The following KSR2 variants were observed in gnomAD, a reference collection of about 807,000 sequenced individuals.
The protein encoded by KSR2 is kinase suppressor of ras 2.
KSR2 carries 25 observed loss-of-function variants against 107.8 expected under a neutral mutation model. The ratio of observed to expected loss-of-function variants is 0.23; its 90% CI spans 0.17 to 0.32. The LOEUF (loss-of-function observed/expected upper bound fraction) is 0.32, where lower values mean the gene tolerates loss of function less well. Among genes scored for constraint, KSR2 ranks in the 10% least tolerant of loss-of-function variants. The pLI, the probability that KSR2 is intolerant of heterozygous loss-of-function variation, is 1.00. For missense variants in KSR2, 887 were observed against 1,268.9 expected, an observed-to-expected ratio of 0.70 and a Z score of 4.57; for synonymous variants, 480 against 507.0, an observed-to-expected ratio of 0.95 and a Z score of 0.71.
chr12:117,536,397 C>G (rs576697948), intron 10 of KSR2, among the ~76,000 whole-genome samples: 3 of 152,144 alleles, frequency 2.0e-5, no homozygotes, highest in Admixed American at 2.0e-4. Context: ...ACTGTACTTC[C>G]AAAAGGTTCT....
At chr12:117,531,989 T>C (rs982073884) in intron 10 of KSR2, among the ~76,000 whole-genome samples, 2 of 152,164 alleles carry the variant, frequency 1.3e-5, no homozygotes, top group Non-Finnish European at 2.9e-5. Context: ...TTTTGTGAAA[T>C]GCATAATTAC....
In KSR2 at chr12:117,464,369, G is replaced by C. The variant is rs943350427; in HGVS notation, c.*2830C>G. On this transcript the variant is annotated 3_prime_UTR_variant, in exon 20 of 20. Coordinates refer to ENST00000339824, the MANE Select transcript of KSR2 (RefSeq NM_173598.6). ...AGTGACTTATGTGTACAGGGCACCT[G>C]TGTGCAGCTGTGATGGGACAAGGGC... 6.6e-6 allele frequency: 1 copy of C among 152,264 alleles called. No individual in the cohort carries two copies. The highest frequency in any genetic ancestry group is 1.5e-5 in the Non-Finnish European group (1 of 68,056). 9.4% of individuals were successfully genotyped at this position (152,264 alleles called of 1,614,324 possible).
chr12:117,673,282 T>C (rs11068616), intron 4 of KSR2, among the ~76,000 whole-genome samples: 38,975 of 151,552 alleles, frequency 0.26, 5,201 homozygotes, highest in Admixed American at 0.35. Context: ...AAGGATGGAA[T>C]TGATGAAGGA....
At chr12:117,908,424 A>C (rs976429962) in intron 1 of KSR2, among the ~76,000 whole-genome samples, 1 of 152,206 alleles carries the variant, frequency 6.6e-6, no homozygotes, top group Admixed American at 6.5e-5. Flanking sequence ...CATCAAAATA[A>C]AATATTCCTA....
At chr12:117,614,342 C>T (rs1447955404) in intron 5 of KSR2, among the ~76,000 whole-genome samples, 1 of 151,996 alleles carries the variant, frequency 6.6e-6, no homozygotes, top group Non-Finnish European at 1.5e-5. Flanking sequence ...GCATAAATTA[C>T]TTTTTATAAT....
chr12:117,685,984 A>G (rs1885556957), intron 4 of KSR2, among the ~76,000 whole-genome samples: 1 of 152,002 alleles, frequency 6.6e-6, no homozygotes. Flanking sequence ...GCTGCCATTC[A>G]TTTCACCCTT....
intron 5 of KSR2, among the ~76,000 whole-genome samples, chr12:117,636,515 T>G (rs10850868): frequency 0.17 from 25,135 of 151,998 alleles, 2,175 homozygotes; most frequent in Middle Eastern, 0.24. Context: ...AGTCCTGAGT[T>G]AAGGTACACA....
chr12:117,626,463 C>A (rs1348165673), intron 5 of KSR2, among the ~76,000 whole-genome samples: 3 of 152,166 alleles, frequency 2.0e-5, no homozygotes, highest in African/African-American at 7.2e-5. Flanking sequence ...TTGTTATCTA[C>A]CCAGTAGTCA....
intron 4 of KSR2, among the ~76,000 whole-genome samples, chr12:117,671,086 A>C (rs1404731384): frequency 1.3e-5 from 2 of 151,174 alleles, no homozygotes; most frequent in Admixed American, 6.6e-5. Flanking sequence ...GGGCCTTCTC[A>C]CTCTTTGTAT....
intron 3 of KSR2, among the ~76,000 whole-genome samples, chr12:117,794,858 C>G (rs1890566581): frequency 1.4e-5 from 2 of 145,544 alleles, no homozygotes; most frequent in African/African-American, 5.2e-5. Flanking sequence ...ACCCATCACT[C>G]TTAGCCAGTT....
intron 14 of KSR2, among the ~76,000 whole-genome samples, chr12:117,513,376 C>A (rs1054229373): frequency 2.6e-5 from 4 of 152,170 alleles, no homozygotes; most frequent in African/African-American, 9.7e-5. Flanking sequence ...AAGGCCAAAG[C>A]TGAGCAGTGA....
chr12:117,949,496 G>A (rs1195399627), intron 1 of KSR2, among the ~76,000 whole-genome samples: 5 of 152,160 alleles, frequency 3.3e-5, no homozygotes, highest in African/African-American at 1.2e-4. Context: ...ATAGATCAGT[G>A]GTTGCCAGGG....
intron 3 of KSR2, among the ~76,000 whole-genome samples, chr12:117,803,425 A>G (rs902696260): frequency 1.3e-5 from 2 of 152,314 alleles, no homozygotes; most frequent in East Asian, 1.9e-4. Context: ...GAAATTGGCC[A>G]GGCGCAGTGG....
chr12:117,488,286 C>G (rs1016951495), intron 14 of KSR2, among the ~76,000 whole-genome samples: 2 of 152,200 alleles, frequency 1.3e-5, no homozygotes, highest in Non-Finnish European at 2.9e-5. Context: ...AATCCACAAC[C>G]AGCGATTCTT....
At chr12:117,776,464 C>T (rs906163620) in intron 3 of KSR2, among the ~76,000 whole-genome samples, 7 of 152,134 alleles carry the variant, frequency 4.6e-5, no homozygotes. Context: ...TTATAAACTG[C>T]AGCCCAGACT....
intron 13 of KSR2, among the ~76,000 whole-genome samples, chr12:117,526,134 C>T (rs995835763): frequency 3.3e-5 from 5 of 152,170 alleles, no homozygotes; most frequent in East Asian, 1.9e-4. Context: ...TGGGCCCCAC[C>T]CAGCACTATT....
At chr12:117,567,160 T>C (rs886834738) in intron 7 of KSR2, among the ~76,000 whole-genome samples, 3 of 152,234 alleles carry the variant, frequency 2.0e-5, no homozygotes, top group Non-Finnish European at 2.9e-5. Flanking sequence ...TAGTATGTAA[T>C]ATGGTGTGAC....
At position 117,469,702 on chromosome 12, in the gene KSR2, G is replaced by C; in HGVS notation, c.2806C>G (p.Arg936Gly). 6.2e-7 allele frequency: 1 copy of C among 1,613,422 alleles called. No individual in the cohort carries two copies. The highest frequency in any genetic ancestry group is 8.5e-7 in the Non-Finnish European group (1 of 1,179,688). ...DMLEKLPKRN[R>G]RLSHPGHFWK... ...AAATGTCCAGGGTGAGACAGGCGAC[G>C]GTTTCGCTTTGGCAGTTTCTCCAGC... The change falls in exon 19 of 20, where the codon CGT becomes GGT. Residue 936 changes from arginine to glycine, a missense_variant. Arg to Gly is a moderately radical substitution (Grantham distance 125). This residue lies in a region of KSR2 where 308 missense variants were observed against 506.2 expected (regional missense o/e 0.61). Transcript: ENST00000339824.
At chr12:117,727,540 G>A (rs909812071) in intron 4 of KSR2, among the ~76,000 whole-genome samples, 1 of 151,604 alleles carries the variant, frequency 6.6e-6, no homozygotes, top group Non-Finnish European at 1.5e-5. Context: ...GGAGGAAGAG[G>A]AGGAGGAGGA....
Sources: allele counts gnomAD v4.1 joint callset (sites outside exome capture counted in the v4.1 genomes callset), GRCh38; gene constraint gnomAD v4.1.1; regional missense constraint gnomAD v4.1.1; transcripts MANE v1.5; gene names NCBI Gene and HGNC (gene_info 2026-07-23, HGNC 2026-07-21).